AHNAK: variants seen among roughly 807,000 people sequenced by gnomAD.
The protein encoded by AHNAK is AHNAK nucleoprotein, also known as neuroblast differentiation-associated protein AHNAK.
In AHNAK, 23 loss-of-function variants were observed where a neutral mutation model predicts 37.8. The ratio of observed to expected loss-of-function variants is 0.61; its 90% confidence interval spans 0.44 to 0.86. AHNAK has a LOEUF of 0.86. Among genes scored for constraint, AHNAK ranks in the 40% least tolerant of loss-of-function variants. The pLI is 0.00. For missense variants in AHNAK, 7,411 were observed against 7,319.4 expected, an observed-to-expected ratio of 1.01 and a Z score of -0.46; for synonymous variants, 2,481 against 2,636.3, an observed-to-expected ratio of 0.94 and a Z score of 1.80.
At chr11:62,438,533 G>A (rs1938230381) in intron 5 of AHNAK, among the ~76,000 whole-genome samples, 1 of 151,980 alleles carries the variant, frequency 6.6e-6, no homozygotes, top group Non-Finnish European at 1.5e-5. Flanking sequence ...TTGATCTGCA[G>A]TACTTCAAAT....
rs1472619575 is a variant in AHNAK, at chr11:62,532,227, T to C, written c.2190A>G (p.Lys730=). Residue 730 remains lysine, a synonymous_variant, in exon 5 of 5, where the codon AAA becomes AAG. Transcript: ENST00000378024. ...PKLEGELKGP[K]VDIDAPDVDV... ...CCACATCTGGGGCATCAATGTCCAC[T>C]TTTGGGCCTTTGAGTTCTCCTTCCA... The C allele has an allele frequency of 4.3e-6, 7 of 1,613,856 alleles. No individual in the cohort carries two copies. Among genetic ancestry groups the C allele is most frequent in the East Asian group, 2.2e-5 (1 of 44,886 alleles).
In AHNAK at chr11:62,527,786, C is replaced by T. The variant is rs1430239041; in HGVS notation, c.6631G>A (p.Gly2211Ser). The change falls in exon 5 of 5, where the codon GGT becomes AGT. Residue 2211 changes from glycine (G) to serine (S), a missense_variant. Coordinates refer to ENST00000378024, the MANE Select transcript of AHNAK (RefSeq NM_001620.3). ...DMDVSVPKVE[G>S]EMKVPDVDIR... Reference sequence around the variant, plus strand: ...TCAACATCTGGCACTTTCATTTCACCTTCTACCTTGGGAACAGACACATCC... The same window carrying T: ...TCAACATCTGGCACTTTCATTTCACTTTCTACCTTGGGAACAGACACATCC... 2 of 1,613,910 alleles carry T rather than the reference C, an allele frequency of 1.2e-6. No homozygotes were observed. The highest frequency in any genetic ancestry group is 2.2e-5 in the East Asian group (1 of 44,828).
At position 62,531,564 on chromosome 11, in the gene AHNAK, C is replaced by A. The variant is rs751364138; in HGVS notation, c.2853G>T (p.Val951=). ...CTTTAGGACCTTTCATATGCAAGTC[C>A]ACATCAGGCATGGAGATCTTGGGGG... ...IKAPKISMPD[V]DLHMKGPKVK... Residue 951 remains valine, a synonymous_variant, in exon 5 of 5, where the codon GTG becomes GTT. Transcript: ENST00000378024. The A allele has an allele frequency of 1.2e-6, 2 of 1,614,186 alleles. No individual in the cohort carries two copies. The highest frequency in any genetic ancestry group is 1.7e-6 in the Non-Finnish European group (2 of 1,180,034).
Position 62,526,011 on chromosome 11 carries a change from C to T in AHNAK, c.8406G>A (p.Val2802=). The T allele has an allele frequency of 1.2e-6, 2 of 1,613,986 alleles. No individual in the cohort carries two copies. The highest frequency in any genetic ancestry group is 1.7e-6 in the Non-Finnish European group (2 of 1,180,004). Residue 2802 remains valine, a synonymous_variant, in exon 5 of 5, where the codon GTG becomes GTA. Transcript: ENST00000378024. ...TATTCACATCGGGACATTCAACATC[C>T]ACTTTCGGTCCTGAGACATCAATGT... ...KADIDVSGPK[V]DVECPDVNIE...
chr11:62,519,186 C>T lies in AHNAK; in HGVS notation c.15231G>A (p.Ser5077=), dbSNP rs779933292. ...CAAACATCGTTTTCTTGGTTTTGGG[C>T]GATTTCACGTCGACTTTGAGTGCAG... ...PDAALKVDVK[S]PKTKKTMFGK... Residue 5077 remains serine (S), a synonymous_variant, in exon 5 of 5, where the codon TCG becomes TCA. Coordinates refer to ENST00000378024, the MANE Select transcript of AHNAK (RefSeq NM_001620.3). The T allele has an allele frequency of 1.1e-5, 18 of 1,612,922 alleles. No homozygotes were observed. The highest frequency in any genetic ancestry group is 9.4e-5 in the African/African-American group (7 of 74,834).
chr11:62,433,727 A>G (rs1016377821), exon 6 of AHNAK: 8 of 946,832 alleles, frequency 8.4e-6, no homozygotes, highest in African/African-American at 6.5e-5. Flanking sequence ...ATAAACATGC[A>G]TGCTCCGAAA....
chr11:62,517,741 A>G lies in AHNAK; in HGVS notation c.16676T>C (p.Ile5559Thr). Reference sequence around the variant, plus strand: ...TTTGATTTTTGGGCCCTTCAAGTTGATGCCAAAATCTGACTCAGGAGATGC... The same window carrying G: ...TTTGATTTTTGGGCCCTTCAAGTTGGTGCCAAAATCTGACTCAGGAGATGC... ...NMASPESDFG[I>T]NLKGPKIKGG... is the part of the protein sequence containing the mutation. The change falls in exon 5 of 5, where the codon ATC becomes ACC. Residue 5559 changes from isoleucine (I) to threonine (T), a missense_variant. By Grantham distance (89) the Ile-to-Thr change is moderately conservative. Coordinates refer to ENST00000378024, the MANE Select transcript of AHNAK (RefSeq NM_001620.3). The G allele has an allele frequency of 6.2e-7, 1 of 1,614,158 alleles. No individual in the cohort carries two copies. The highest frequency in any genetic ancestry group is 8.5e-7 in the Non-Finnish European group (1 of 1,180,028).
intron 5 of AHNAK, among the ~76,000 whole-genome samples, chr11:62,463,163 C>A: frequency 6.6e-6 from 1 of 151,384 alleles, no homozygotes; most frequent in African/African-American, 2.4e-5. Context: ...CTTCTGCTAT[C>A]TCCATCTGCC....
In AHNAK at chr11:62,438,181, CT is replaced by C. The variant is rs777083537; in HGVS notation, c.443-4291del. On this transcript the variant is annotated intron_variant, in intron 5 of 5. Coordinates refer to the AHNAK transcript ENST00000257247. ...CCTGGTCAAGTCTTTTTCTTTCTCT[CT>C]TTTTTTTTTTTTTTTTCCTGAGACT... 1.2e-3 allele frequency among the ~76,000 whole-genome samples: 147 copies of C among 126,314 alleles called. 1 individual carries two copies. The highest frequency in any genetic ancestry group is 1.6e-3 in the East Asian group (6 of 3,708). The allele number at this position is 126,314 out of a possible 152,430, so 82.9% of individuals were successfully genotyped here.
chr11:62,444,771 G>T (rs1938390138), intron 5 of AHNAK, among the ~76,000 whole-genome samples: 2 of 152,258 alleles, frequency 1.3e-5, no homozygotes, highest in Admixed American at 1.3e-4. Flanking sequence ...TGGCACAAGG[G>T]CAGTGACCCT....
At chr11:62,454,412 CA>C (rs5792260) in intron 5 of AHNAK, among the ~76,000 whole-genome samples, 281 of 126,086 alleles carry the variant, frequency 2.2e-3, no homozygotes, top group African/African-American at 5.3e-3. Context: ...GACTCCATCT[CA>C]AAAAAAAAAA....
Position 62,533,988 on chromosome 11 carries a change from G to C in AHNAK, c.429C>G (p.Leu143=). Residue 143 remains leucine, a synonymous_variant, in exon 5 of 5, where the codon CTC becomes CTG. Transcript: ENST00000378024. ...TGATGGTACGGCTCTGGGTCTCCCC[G>C]AGGTCTCCTTCCACTCCATCTTCCG... The part of the protein sequence containing the change: ...LKSEDGVEGD[L]GETQSRTITV... 1 of 1,606,666 alleles carries C rather than the reference G, an allele frequency of 6.2e-7. No homozygotes were observed. Among genetic ancestry groups the C allele is most frequent in the Non-Finnish European group, 8.5e-7 (1 of 1,175,242 alleles).
At chr11:62,462,164 G>A (rs951385438) in intron 5 of AHNAK, among the ~76,000 whole-genome samples, 5 of 152,040 alleles carry the variant, frequency 3.3e-5, no homozygotes, top group Admixed American at 1.3e-4. Flanking sequence ...TCTTGTCAGC[G>A]TCTTACCTTC....
intron 5 of AHNAK, among the ~76,000 whole-genome samples, chr11:62,478,567 A>T (rs1939196595): frequency 1.3e-5 from 2 of 152,016 alleles, no homozygotes; most frequent in African/African-American, 4.8e-5. Context: ...CAACACGGCA[A>T]GACCTCATCT....
At chr11:62,460,123 A>G (rs1381495430) in intron 5 of AHNAK, among the ~76,000 whole-genome samples, 20 of 140,662 alleles carry the variant, frequency 1.4e-4, no homozygotes, top group Admixed American at 7.9e-4. Context: ...CGTCTCAAAG[A>G]AAAAAAAAAA....
At chr11:62,433,690 A>G in exon 6 of AHNAK, 1 of 661,176 alleles carries the variant, frequency 1.5e-6, no homozygotes, top group Non-Finnish European at 2.6e-6. Context: ...CTTATGCAGC[A>G]GCCCTCGGTC....
At chr11:62,474,121 AT>A (rs1174294878) in intron 5 of AHNAK, among the ~76,000 whole-genome samples, 2 of 151,996 alleles carry the variant, frequency 1.3e-5, no homozygotes, top group African/African-American at 4.8e-5. Context: ...TATAAATAAA[AT>A]AATTTAAAAA....
Position 62,531,304 on chromosome 11 carries a change from G to A in AHNAK, c.3113C>T (p.Ala1038Val), listed in dbSNP as rs1940738557. The change falls in exon 5 of 5, where the codon GCT (alanine) becomes GTT (valine). Residue 1038 changes from alanine to valine, a missense_variant. Ala to Val is a moderately conservative substitution (Grantham distance 64). Transcript: ENST00000378024. ...AGGTCCTTCAAGGCTCAGATCTGGA[G>A]CATTAGTATCTACTTTTGGTGCAGA... is the stretch of plus-strand genomic sequence containing the variant. ...DISAPKVDTN[A>V]PDLSLEGPEG... The A allele has an allele frequency of 1.2e-6, 2 of 1,613,630 alleles. No individual in the cohort carries two copies. Among genetic ancestry groups the A allele is most frequent in the Middle Eastern group, 1.7e-4 (1 of 6,060 alleles).
chr11:62,518,705 T>C lies in AHNAK; in HGVS notation c.15712A>G (p.Met5238Val), dbSNP rs747744776. 1.2e-6 allele frequency: 2 copies of C among 1,614,178 alleles called. No homozygotes were observed. Residue 5238 changes from methionine (M) to valine (V), a missense_variant, in exon 5 of 5, where the codon ATG becomes GTG. Physicochemically the swap from Met to Val is conservative, Grantham distance 21. Coordinates refer to ENST00000378024, the MANE Select transcript of AHNAK (RefSeq NM_001620.3). The stretch of plus-strand genomic sequence containing the variant: ...ACACCTGGGATGCCGATCTTGGGCA[T>C]GGAAAACTTGGGGAACTTAATTTTT... The part of the protein sequence containing the change: ...EAKIKFPKFS[M>V]PKIGIPGVKM...
Sources: gnomAD v4.1 joint callset for allele counts (sites outside exome capture counted in the v4.1 genomes callset) on GRCh38, gnomAD v4.1.1 for gene constraint, MANE v1.5 for transcripts, NCBI Gene and HGNC (gene_info 2026-07-23, HGNC 2026-07-21) for gene names.